PRKG2: variants seen among roughly 807,000 people sequenced by gnomAD.
The protein encoded by PRKG2 is protein kinase cGMP-dependent 2.
Under a neutral mutation model 97.2 loss-of-function variants are expected in PRKG2, and 33 were observed. That is an observed-to-expected ratio of 0.34 (90% confidence interval 0.26 to 0.45). The LOEUF (loss-of-function observed/expected upper bound fraction) is 0.45. Among genes scored for constraint, PRKG2 ranks in the 20% least tolerant of loss-of-function variants. The probability of loss-of-function intolerance (pLI) is 1.00; values close to 1 mark genes in which losing one functional copy is unlikely to be tolerated. For missense variants in PRKG2, 638 were observed against 900.0 expected (o/e 0.71, Z 3.73); for synonymous variants, 330 against 321.8 (o/e 1.03, Z -0.27).
At chr4:81,158,790 G>A (rs1461620965) in intron 6 of PRKG2, among the ~76,000 whole-genome samples, 2 of 152,024 alleles carry the variant, frequency 1.3e-5, no homozygotes, top group Admixed American at 6.6e-5. Flanking sequence ...CAGAAATAAC[G>A]TCACATATCT....
intron 2 of PRKG2, among the ~76,000 whole-genome samples, chr4:81,191,060 T>TG (rs1433761794): frequency 6.6e-6 from 1 of 152,198 alleles, no homozygotes; most frequent in Non-Finnish European, 1.5e-5. Context: ...AAATACCATT[T>TG]GACCCAGCAC....
At chr4:81,165,399 C>A (rs1749894275) in intron 6 of PRKG2, among the ~76,000 whole-genome samples, 1 of 152,068 alleles carries the variant, frequency 6.6e-6, no homozygotes, top group Admixed American at 6.6e-5. Flanking sequence ...CTGTTTTTTT[C>A]AAAGATTATG....
chr4:81,121,797 C>T (rs1271941148), intron 14 of PRKG2, among the ~76,000 whole-genome samples: 1 of 151,946 alleles, frequency 6.6e-6, no homozygotes, highest in Non-Finnish European at 1.5e-5. Context: ...CTTTTGGTTT[C>T]ATTCATTCTT....
chr4:81,155,339 GATGAAATGA>G (rs1748957862), intron 6 of PRKG2, among the ~76,000 whole-genome samples: 1 of 151,984 alleles, frequency 6.6e-6, no homozygotes, highest in African/African-American at 2.4e-5. Context: ...AGCAATGGAA[GATGAAATGA>G]ATGAAATGAA....
At chr4:81,168,864 T>G (rs1750216514) in intron 5 of PRKG2, among the ~76,000 whole-genome samples, 1 of 151,948 alleles carries the variant, frequency 6.6e-6, no homozygotes, top group South Asian at 2.1e-4. Context: ...CATAAGAACT[T>G]ATAATTTATT....
At chr4:81,216,012 G>T (rs1224884428), upstream of PRKG2, among the ~76,000 whole-genome samples, 7 of 151,962 alleles carry the variant, frequency 4.6e-5, no homozygotes, top group African/African-American at 1.7e-4. Context: ...TGCCCCCAGA[G>T]GAATTTCACC....
At chr4:81,210,853 T>C (rs115148170) in intron 1 of PRKG2, among the ~76,000 whole-genome samples, 1,666 of 152,232 alleles carry the variant, frequency 0.011, 41 homozygotes, top group African/African-American at 0.039. Flanking sequence ...ATCCATATAA[T>C]AGAATATTAT....
chr4:81,158,923 C>T (rs1187161698), intron 6 of PRKG2, among the ~76,000 whole-genome samples: 5 of 135,622 alleles, frequency 3.7e-5, no homozygotes, highest in Non-Finnish European at 5.9e-5. Context: ...GGATCCCTTC[C>T]TTAATCCCTT....
intron 1 of PRKG2, among the ~76,000 whole-genome samples, chr4:81,209,471 G>A (rs1006358250): frequency 2.0e-5 from 3 of 152,074 alleles, no homozygotes; most frequent in African/African-American, 7.2e-5. Flanking sequence ...TGGATCCAGA[G>A]TCCCAGTGGA....
At chr4:81,205,122 T>C in intron 1 of PRKG2, 62 bp from the exon 2 acceptor site, 1 of 957,250 alleles carries the variant, frequency 1.0e-6, no homozygotes, top group Non-Finnish European at 1.5e-6. Flanking sequence ...GTCCCCACCA[T>C]TCCTCTCATT....
At chr4:81,184,366 G>C (rs541358266) in intron 2 of PRKG2, among the ~76,000 whole-genome samples, 1 of 152,122 alleles carries the variant, frequency 6.6e-6, no homozygotes, top group East Asian at 1.9e-4. Flanking sequence ...ATCTGGAGTG[G>C]ACTTCCAGCA....
At chr4:81,166,826 T>C (rs1480548665) in intron 6 of PRKG2, among the ~76,000 whole-genome samples, 1 of 152,154 alleles carries the variant, frequency 6.6e-6, no homozygotes, top group African/African-American at 2.4e-5. Context: ...CTATGAAAAC[T>C]CTGTAGGGGA....
rs781555874 is a variant in PRKG2, at chr4:81,167,129, T to C, written c.912+32A>G. 12 of 1,406,342 alleles carry C rather than the reference T, an allele frequency of 8.5e-6. No individual in the cohort carries two copies. In the East Asian group the frequency reaches 2.3e-4, roughly 28 times the overall value. The allele number at this position is 1,406,342 out of a possible 1,614,324, so 87.1% of individuals were successfully genotyped here. On this transcript the variant is annotated intron_variant, in intron 6 of 18. Transcript: ENST00000264399. ...ATAAGTACATTCTAATATCTTCTAA[T>C]GAAATTTATTTTTTACTTCAAAATT...
chr4:81,110,764 G>GAGAGAGAGAGACAGAC (rs1553919021), intron 14 of PRKG2, among the ~76,000 whole-genome samples, 153 bp from the exon 15 acceptor site: 11 of 146,222 alleles, frequency 7.5e-5, no homozygotes, highest in Non-Finnish European at 1.5e-4. Context: ...GAGAGAGAGA[G>GAGAGAGAGAGACAGAC]AGACAGACAG....
chr4:81,103,223 G>T (rs544275096), intron 17 of PRKG2, among the ~76,000 whole-genome samples: 2 of 152,034 alleles, frequency 1.3e-5, no homozygotes, highest in Non-Finnish European at 2.9e-5. Flanking sequence ...GGTGTGTTAC[G>T]TATCTATACA....
At chr4:81,190,498 G>T (rs1436889784) in intron 2 of PRKG2, among the ~76,000 whole-genome samples, 1 of 151,868 alleles carries the variant, frequency 6.6e-6, no homozygotes, top group Non-Finnish European at 1.5e-5. Flanking sequence ...CCTAGAAGAG[G>T]CAATACCCCA....
chr4:81,153,102 C>T (rs1407856065), intron 7 of PRKG2, among the ~76,000 whole-genome samples: 1 of 152,160 alleles, frequency 6.6e-6, no homozygotes, highest in Non-Finnish European at 1.5e-5. Context: ...CATTCAATAT[C>T]TAGGTAAAGA....
chr4:81,217,139 G>T (rs1392607487), upstream of PRKG2, among the ~76,000 whole-genome samples: 1 of 150,186 alleles, frequency 6.7e-6, no homozygotes, highest in Non-Finnish European at 1.5e-5. Flanking sequence ...TTTTGCTATT[G>T]TGAATAATGC....
intron 2 of PRKG2, among the ~76,000 whole-genome samples, chr4:81,190,184 A>T (rs906634473): frequency 7.9e-5 from 12 of 152,218 alleles, no homozygotes; most frequent in Non-Finnish European, 1.5e-4. Flanking sequence ...ACTATTGGAC[A>T]TGGCTATAGT....
Sources: allele counts gnomAD v4.1 joint callset (sites outside exome capture counted in the v4.1 genomes callset), GRCh38; gene constraint gnomAD v4.1.1; transcripts MANE v1.5; gene names NCBI Gene and HGNC (gene_info 2026-07-23, HGNC 2026-07-21).